Variants in NHS observed in about 807,000 individuals in gnomAD.
The protein encoded by NHS is actin remodeling regulator NHS.
NHS carries 5 observed loss-of-function variants against 72.5 expected under a neutral mutation model. That is an observed-to-expected ratio of 0.07 (90% CI 0.04 to 0.14). The LOEUF is 0.14. Ranked by LOEUF, NHS falls within the 10% of genes least tolerant of loss-of-function variation. The pLI is 1.00. For missense variants in NHS, 1,072 were observed against 1,355.7 expected (o/e 0.79, Z 3.29); for synonymous variants, 464 against 547.7 (o/e 0.85, Z 2.13).
chrX:17,728,742 G>C lies in NHS; in HGVS notation c.4316G>C (p.Arg1439Pro). 1 of 1,211,226 alleles carries C rather than the reference G, an allele frequency of 8.3e-7. No homozygotes were observed. Among genetic ancestry groups the C allele is most frequent in the Middle Eastern group, 2.3e-4 (1 of 4,352 alleles). ...EGVFVSPNKP[R>P]TTEDLFAVIH... ...GTGTTCGTGTCTCCAAACAAACCTC[G>C]AACAACTGAGGATTTATTTGCAGTC... Residue 1439 changes from arginine to proline, a missense_variant, in exon 8 of 9, where the codon CGA (arginine) becomes CCA (proline). Transcript: ENST00000676302.
intron 1 of NHS, among the ~76,000 whole-genome samples, chrX:17,498,762 G>C (rs1350996553): frequency 9.0e-6 from 1 of 111,145 alleles, no homozygotes; most frequent in African/African-American, 3.3e-5. Context: ...AGAGATCCTA[G>C]CCTTGACCTT....
intron 1 of NHS, among the ~76,000 whole-genome samples, chrX:17,616,870 A>T (rs2065749988): frequency 8.9e-6 from 1 of 112,514 alleles, no homozygotes; most frequent in Admixed American, 9.4e-5. Flanking sequence ...TCAAATGCCC[A>T]ATAGCCACAT....
At chrX:17,458,585 C>T (rs1007842519) in intron 1 of NHS, among the ~76,000 whole-genome samples, 6 of 110,685 alleles carry the variant, frequency 5.4e-5, no homozygotes, top group East Asian at 2.8e-4. Flanking sequence ...TTCTGCCTCC[C>T]GGGTTCAAGC....
At position 17,523,307 on chromosome X, in the gene NHS, C is replaced by T. The variant is rs1467355419; in HGVS notation, c.565+146985C>T. On this transcript the variant is annotated intron_variant, in intron 1 of 8. Transcript: ENST00000676302. ...GCTGGAATGGAAACTGAGGTAGCAA[C>T]ACAGTCACATGATTGGGTGGACACA... Among the ~76,000 whole-genome samples, 13 of 111,880 alleles carry T rather than the reference C, an allele frequency of 1.2e-4. No individual in the cohort carries two copies. The Admixed American group carries it at 1.2e-3, about 11-fold the overall frequency.
intron 1 of NHS, among the ~76,000 whole-genome samples, chrX:17,519,550 T>G (rs1293202147): frequency 8.9e-6 from 1 of 112,008 alleles, no homozygotes; most frequent in African/African-American, 3.2e-5. Flanking sequence ...TTGGGCCAGC[T>G]GGACTGAGAC....
At chrX:17,433,093 A>G (rs1380163217) in intron 1 of NHS, among the ~76,000 whole-genome samples, 3 of 108,709 alleles carry the variant, frequency 2.8e-5, no homozygotes, top group East Asian at 5.8e-4. Context: ...TCAGTGGCGC[A>G]ATCTCGGCTC....
At chrX:17,425,301 A>G (rs887228077) in intron 1 of NHS, among the ~76,000 whole-genome samples, 4 of 110,423 alleles carry the variant, frequency 3.6e-5, no homozygotes, top group African/African-American at 1.3e-4. Flanking sequence ...TCCGTTACAT[A>G]TTCCAGCTGT....
chrX:17,533,470 A>G (rs2065208720), intron 1 of NHS, among the ~76,000 whole-genome samples: 1 of 111,058 alleles, frequency 9.0e-6, no homozygotes, highest in African/African-American at 3.3e-5. Context: ...TATTTTTTCT[A>G]TAGAGACAGG....
At chrX:17,411,068 G>T (rs2064555569) in intron 1 of NHS, among the ~76,000 whole-genome samples, 1 of 111,907 alleles carries the variant, frequency 8.9e-6, no homozygotes, top group South Asian at 3.7e-4. Flanking sequence ...CCAAGAGGTG[G>T]TGATTTTGGC....
intron 1 of NHS, among the ~76,000 whole-genome samples, chrX:17,447,389 T>C (rs1294580472): frequency 1.0e-4 from 11 of 108,165 alleles, no homozygotes; most frequent in African/African-American, 3.8e-4. Flanking sequence ...CCTGTGAGCG[T>C]TGGTTGATTT....
chrX:17,633,187 G>A (rs764739158), intron 1 of NHS, among the ~76,000 whole-genome samples: 84 of 111,629 alleles, frequency 7.5e-4, no homozygotes, highest in African/African-American at 2.5e-3. Context: ...ATACTCTTCC[G>A]GAAGGCCTCA....
intron 8 of NHS, among the ~76,000 whole-genome samples, chrX:17,728,991 C>T (rs889274243): frequency 8.9e-6 from 1 of 112,202 alleles, no homozygotes; most frequent in African/African-American, 3.2e-5. Flanking sequence ...TGATAGACCT[C>T]GATTGAGAGA....
chrX:17,411,934 T>C (rs1003179565), intron 1 of NHS, among the ~76,000 whole-genome samples: 2 of 111,558 alleles, frequency 1.8e-5, no homozygotes, highest in African/African-American at 3.3e-5. Flanking sequence ...ACAATGGTAT[T>C]AGAATTATGT....
chrX:17,496,428 G>C (rs2065012596), intron 1 of NHS, among the ~76,000 whole-genome samples: 1 of 111,545 alleles, frequency 9.0e-6, no homozygotes, highest in Non-Finnish European at 1.9e-5. Flanking sequence ...GGATAAAAAA[G>C]GAAGAGCTCA....
chrX:17,376,985 A>G (rs1038335795), intron 1 of NHS, among the ~76,000 whole-genome samples: 2 of 112,193 alleles, frequency 1.8e-5, no homozygotes, highest in African/African-American at 6.5e-5. Flanking sequence ...AGGGTCAGGG[A>G]GAGATGAGGG....
At chrX:17,400,581 A>G (rs752265091) in intron 1 of NHS, among the ~76,000 whole-genome samples, 1 of 109,256 alleles carries the variant, frequency 9.2e-6, no homozygotes, top group East Asian at 2.9e-4. Flanking sequence ...GCAAGACTCC[A>G]TGTCAAAAAG....
intron 1 of NHS, among the ~76,000 whole-genome samples, chrX:17,398,315 CA>C (rs2064486312): frequency 8.9e-6 from 1 of 111,748 alleles, no homozygotes; most frequent in African/African-American, 3.3e-5. Context: ...ATAATAATTG[CA>C]AAGCACTTGA....
intron 3 of NHS, among the ~76,000 whole-genome samples, chrX:17,708,828 A>C (rs1423445776): frequency 9.0e-6 from 1 of 111,364 alleles, no homozygotes; most frequent in Non-Finnish European, 1.9e-5. Flanking sequence ...ACTGGCTATA[A>C]TGCTTCAGTA....
At chrX:17,689,491 C>T (rs1441393083) in intron 2 of NHS, among the ~76,000 whole-genome samples, 1 of 112,007 alleles carries the variant, frequency 8.9e-6, no homozygotes, top group Non-Finnish European at 1.9e-5. Flanking sequence ...GGCACCCTTC[C>T]CATAATATCC....
Sources: allele counts gnomAD v4.1 joint callset (sites outside exome capture counted in the v4.1 genomes callset), GRCh38; gene constraint gnomAD v4.1.1; transcripts MANE v1.5; gene names NCBI Gene and HGNC (gene_info 2026-07-23, HGNC 2026-07-21).